The following EPM2A variants were observed in gnomAD, a reference collection of about 807,000 sequenced individuals.
EPM2A encodes the protein EPM2A glucan phosphatase, laforin.
In EPM2A, 21 loss-of-function variants were observed where a neutral mutation model predicts 26.5. That is an observed-to-expected ratio of 0.79 (90% CI 0.56 to 1.14). EPM2A has a LOEUF of 1.14. EPM2A is among the 50% of genes most tolerant of loss of function. The pLI, the probability that EPM2A is intolerant of heterozygous loss-of-function variation, is 0.00. For synonymous variants in EPM2A, 217 were observed against 177.6 expected (o/e 1.22, Z -1.76); for missense variants, 458 against 440.8 (o/e 1.04, Z -0.35).
At chr6:145,590,456 A>T (rs1394308304) in intron 2 of EPM2A, among the ~76,000 whole-genome samples, 4 of 151,626 alleles carry the variant, frequency 2.6e-5, no homozygotes, top group Non-Finnish European at 5.9e-5. Context: ...AAAAAAGAAA[A>T]TTGTGCCATT....
Position 145,493,221 on chromosome 6 carries a change from T to C in EPM2A, c.555+9301A>G, listed in dbSNP as rs552011903. 4.9e-4 allele frequency among the ~76,000 whole-genome samples: 75 copies of C among 152,348 alleles called. 1 individual carries two copies. Among genetic ancestry groups the C allele is most frequent in the African/African-American group, 1.6e-3 (67 of 41,578 alleles). On this transcript the variant is annotated intron_variant, in intron 4 of 4. Coordinates refer to the EPM2A transcript ENST00000638717. ...GAGCAGTGGTTTGTAGCTCTTCTTG[T>C]AGAGATCTTTCACTTCCCTTGTTAG...
chr6:145,732,772 T>A (rs558156848), intron 1 of EPM2A, among the ~76,000 whole-genome samples: 7 of 152,346 alleles, frequency 4.6e-5, no homozygotes, highest in Admixed American at 2.0e-4. Context: ...TTTACGAGTC[T>A]AATTGCACAA....
At chr6:145,706,619 A>C (rs1279976349) in intron 1 of EPM2A, among the ~76,000 whole-genome samples, 1 of 152,196 alleles carries the variant, frequency 6.6e-6, no homozygotes, top group Non-Finnish European at 1.5e-5. Context: ...CCTACAATGC[A>C]CTAAAAGACC....
intron 4 of EPM2A, among the ~76,000 whole-genome samples, chr6:145,401,029 C>T (rs1010386623): frequency 6.6e-6 from 1 of 152,010 alleles, no homozygotes; most frequent in Non-Finnish European, 1.5e-5. Context: ...TTTGACTTTA[C>T]TAAAGGGTTT....
At chr6:145,472,609 C>T (rs1027143409) in intron 4 of EPM2A, among the ~76,000 whole-genome samples, 4 of 152,002 alleles carry the variant, frequency 2.6e-5, no homozygotes, top group Non-Finnish European at 2.9e-5. Context: ...CTCAAGGGAA[C>T]ATCAGAGGAA....
intron 2 of EPM2A, among the ~76,000 whole-genome samples, chr6:145,602,423 T>C (rs1781428012): frequency 6.6e-6 from 1 of 152,230 alleles, no homozygotes; most frequent in East Asian, 1.9e-4. Flanking sequence ...ATCTAATGAC[T>C]GGAAGAATTT....
intron 2 of EPM2A, among the ~76,000 whole-genome samples, chr6:145,671,958 C>T (rs1479509147): frequency 6.6e-6 from 1 of 152,184 alleles, no homozygotes; most frequent in Non-Finnish European, 1.5e-5. Context: ...TTTCAAGGAA[C>T]AGAAATTACA....
At chr6:145,716,887 GT>G (rs1270333538) in intron 1 of EPM2A, among the ~76,000 whole-genome samples, 1 of 152,106 alleles carries the variant, frequency 6.6e-6, no homozygotes, top group Non-Finnish European at 1.5e-5. Context: ...CAGCTTTGTT[GT>G]TGTATTTATT....
chr6:145,733,634 A>C (rs1310060210), intron 1 of EPM2A, among the ~76,000 whole-genome samples: 1 of 152,328 alleles, frequency 6.6e-6, no homozygotes, highest in African/African-American at 2.4e-5. Flanking sequence ...ATTTTAAAAA[A>C]TAATTCTACA....
At chr6:145,697,875 T>A (rs903366708) in intron 1 of EPM2A, among the ~76,000 whole-genome samples, 1 of 152,150 alleles carries the variant, frequency 6.6e-6, no homozygotes, top group Admixed American at 6.6e-5. Flanking sequence ...ATTTGTGCAG[T>A]TAACGCAATC....
chr6:145,681,021 G>T (rs1452920539), intron 2 of EPM2A, among the ~76,000 whole-genome samples: 1 of 151,840 alleles, frequency 6.6e-6, no homozygotes, highest in Non-Finnish European at 1.5e-5. Context: ...GTGTAAAAGT[G>T]TTCCTATTTC....
chr6:145,527,875 G>A (rs1780300045), intron 2 of EPM2A, among the ~76,000 whole-genome samples: 1 of 151,788 alleles, frequency 6.6e-6, no homozygotes, highest in Non-Finnish European at 1.5e-5. Context: ...GTGCTAGTTA[G>A]CCAAGTTGTG....
chr6:145,524,623 T>A (rs1780246643), intron 2 of EPM2A, among the ~76,000 whole-genome samples: 1 of 152,136 alleles, frequency 6.6e-6, no homozygotes, highest in South Asian at 2.1e-4. Flanking sequence ...TAAATGAGAT[T>A]ACTTGTTTTT....
intron 4 of EPM2A, among the ~76,000 whole-genome samples, chr6:145,477,946 G>C (rs1376750911): frequency 6.6e-6 from 1 of 151,826 alleles, no homozygotes; most frequent in East Asian, 1.9e-4. Flanking sequence ...TCAAAAAAGA[G>C]AAAGATATAA....
intron 4 of EPM2A, among the ~76,000 whole-genome samples, chr6:145,402,471 C>G (rs1970309): frequency 0.38 from 57,052 of 151,962 alleles, 10,976 homozygotes; most frequent in South Asian, 0.46. Flanking sequence ...TTATACTACA[C>G]AGATTAAGAT....
At chr6:145,495,202 C>A (rs1417183838) in intron 4 of EPM2A, among the ~76,000 whole-genome samples, 4 of 152,064 alleles carry the variant, frequency 2.6e-5, no homozygotes, top group Non-Finnish European at 5.9e-5. Flanking sequence ...GGATAGTTAG[C>A]TCTTCTTGCT....
At chr6:145,404,366 T>A (rs1778537854) in intron 4 of EPM2A, among the ~76,000 whole-genome samples, 1 of 152,144 alleles carries the variant, frequency 6.6e-6, no homozygotes, top group Admixed American at 6.6e-5. Flanking sequence ...TATATTTTTC[T>A]TATTGATATA....
intron 2 of EPM2A, among the ~76,000 whole-genome samples, chr6:145,598,710 G>C (rs1283393598): frequency 6.6e-6 from 1 of 152,048 alleles, no homozygotes; most frequent in African/African-American, 2.4e-5. Flanking sequence ...GTATTGCCTA[G>C]GTTGTTGTAC....
At chr6:145,728,048 C>T (rs1456878722) in intron 1 of EPM2A, among the ~76,000 whole-genome samples, 4 of 152,280 alleles carry the variant, frequency 2.6e-5, no homozygotes, top group Non-Finnish European at 5.9e-5. Context: ...CCATGTAGGA[C>T]GTGCCTGCTT....
Sources: gnomAD v4.1 joint callset for allele counts (sites outside exome capture counted in the v4.1 genomes callset) on GRCh38, gnomAD v4.1.1 for gene constraint, MANE v1.5 for transcripts, NCBI Gene and HGNC (gene_info 2026-07-23, HGNC 2026-07-21) for gene names.